Variants in ATP2B2 observed in about 807,000 individuals in gnomAD.
ATP2B2 encodes the protein plasma membrane calcium-transporting ATPase 2.
In ATP2B2, 15 loss-of-function variants were observed where a neutral mutation model predicts 120.0. The observed-to-expected ratio is 0.12, with a 90% CI of 0.08 to 0.19. The LOEUF (loss-of-function observed/expected upper bound fraction) is 0.19, where lower values mean the gene tolerates loss of function less well. ATP2B2 is among the 10% of genes least tolerant of loss of function. The pLI, the probability that ATP2B2 is intolerant of heterozygous loss-of-function variation, is 1.00. For synonymous variants in ATP2B2, 694 were observed against 700.3 expected (o/e 0.99, Z 0.14); for missense variants, 1,045 against 1,719.8 (o/e 0.61, Z 6.94).
chr3:10,654,617 C>T (rs946357843), intron 1 of ATP2B2, among the ~76,000 whole-genome samples: 2 of 152,044 alleles, frequency 1.3e-5, no homozygotes, highest in African/African-American at 4.8e-5. Context: ...CCTATGGATC[C>T]GCCTCCCTCC....
intron 1 of ATP2B2, among the ~76,000 whole-genome samples, chr3:10,679,211 T>G (rs916819931): frequency 6.6e-6 from 1 of 152,216 alleles, no homozygotes; most frequent in South Asian, 2.1e-4. Flanking sequence ...TTGCCTGCAC[T>G]ATGGTGTATG....
At chr3:10,658,362 T>C (rs538651985) in intron 1 of ATP2B2, among the ~76,000 whole-genome samples, 30 of 152,262 alleles carry the variant, frequency 2.0e-4, no homozygotes, top group African/African-American at 6.7e-4. Context: ...ATTAGACGAA[T>C]GGCTAACTAG....
intron 3 of ATP2B2, among the ~76,000 whole-genome samples, chr3:10,518,654 T>C (rs2066921854): frequency 6.6e-6 from 1 of 152,210 alleles, no homozygotes. Context: ...CTAACACACA[T>C]TCCTGGCCTA....
At chr3:10,412,318 C>G (rs2062638778) in intron 2 of ATP2B2, among the ~76,000 whole-genome samples, 1 of 152,198 alleles carries the variant, frequency 6.6e-6, no homozygotes, top group Non-Finnish European at 1.5e-5. Flanking sequence ...GGAGGAAATT[C>G]AGGCGTGTGA....
chr3:10,408,215 T>A (rs1289507511), intron 3 of ATP2B2, among the ~76,000 whole-genome samples: 1 of 152,150 alleles, frequency 6.6e-6, no homozygotes, highest in Non-Finnish European at 1.5e-5. Flanking sequence ...TGCTGGGTGC[T>A]CAGTCACAGC....
intron 1 of ATP2B2, among the ~76,000 whole-genome samples, chr3:10,486,336 T>TGCGTGC (rs1559398907): frequency 6.8e-6 from 1 of 147,252 alleles, no homozygotes; most frequent in Admixed American, 6.6e-5. Context: ...TGTGTGTGTG[T>TGCGTGC]GTGTGTGTGT....
chr3:10,361,326 G>A (rs998098370), intron 12 of ATP2B2, among the ~76,000 whole-genome samples: 11 of 152,302 alleles, frequency 7.2e-5, no homozygotes, highest in South Asian at 2.1e-4. Context: ...CTGTAACTGC[G>A]CCCGGTTGTA....
chr3:10,462,177 G>A (rs148257018), intron 1 of ATP2B2, among the ~76,000 whole-genome samples: 3 of 152,146 alleles, frequency 2.0e-5, no homozygotes, highest in Admixed American at 6.5e-5. Context: ...CTCCAGAACC[G>A]ACCTTCTTGT....
chr3:10,536,331 ATTT>A (rs71055821), intron 2 of ATP2B2, among the ~76,000 whole-genome samples: 4,040 of 138,848 alleles, frequency 0.029, 73 homozygotes, highest in Middle Eastern at 0.089. Context: ...TTGTCACAGG[ATTT>A]TTTTTTTTTT....
chr3:10,445,881 G>A (rs1413416469), intron 2 of ATP2B2, among the ~76,000 whole-genome samples: 1 of 152,210 alleles, frequency 6.6e-6, no homozygotes, highest in Non-Finnish European at 1.5e-5. Flanking sequence ...GGCTGGGGCT[G>A]TGCCAAGGAT....
intron 1 of ATP2B2, among the ~76,000 whole-genome samples, chr3:10,659,036 G>A (rs1212211539): frequency 6.6e-6 from 1 of 152,142 alleles, no homozygotes; most frequent in Admixed American, 6.5e-5. Flanking sequence ...TTACAGACAA[G>A]CAAATGCTGA....
intron 2 of ATP2B2, among the ~76,000 whole-genome samples, chr3:10,437,084 T>A (rs528018818): frequency 1.3e-5 from 2 of 152,334 alleles, no homozygotes; most frequent in African/African-American, 4.8e-5. Flanking sequence ...AGGAATTACT[T>A]GTCTTCTTTT....
chr3:10,595,650 T>C (rs1408898370), intron 2 of ATP2B2, among the ~76,000 whole-genome samples: 3 of 194 alleles, frequency 0.015, no homozygotes, highest in African/African-American at 0.071. Context: ...ACAGACCACA[T>C]TGCGCTTCCA....
At chr3:10,344,763 A>T (rs1007476145) in intron 18 of ATP2B2, among the ~76,000 whole-genome samples, 1 of 152,156 alleles carries the variant, frequency 6.6e-6, no homozygotes, top group Non-Finnish European at 1.5e-5. Flanking sequence ...CACCTCATGG[A>T]GCTGCATGAA....
chr3:10,518,354 C>T (rs934710956), intron 3 of ATP2B2, among the ~76,000 whole-genome samples: 4 of 152,178 alleles, frequency 2.6e-5, no homozygotes, highest in Admixed American at 6.5e-5. Context: ...TGCGGACTCG[C>T]GTCTGCCTTT....
intron 2 of ATP2B2, among the ~76,000 whole-genome samples, chr3:10,447,833 C>T (rs1234046736): frequency 6.6e-6 from 1 of 152,206 alleles, no homozygotes; most frequent in East Asian, 1.9e-4. Flanking sequence ...TTCTCTATTC[C>T]CACCCTCCCT....
chr3:10,585,182 C>T (rs1274156709), intron 2 of ATP2B2, among the ~76,000 whole-genome samples: 1 of 152,074 alleles, frequency 6.6e-6, no homozygotes, highest in Non-Finnish European at 1.5e-5. Flanking sequence ...CAAACTTCTC[C>T]AATGGTTTGC....
chr3:10,656,060 A>G (rs2070618592), intron 1 of ATP2B2, among the ~76,000 whole-genome samples: 1 of 152,160 alleles, frequency 6.6e-6, no homozygotes, highest in South Asian at 2.1e-4. Flanking sequence ...AGGGGTGGGG[A>G]AAGGTCTGTC....
intron 1 of ATP2B2, among the ~76,000 whole-genome samples, chr3:10,669,326 C>T (rs1401678171): frequency 1.3e-5 from 2 of 152,088 alleles, no homozygotes; most frequent in Non-Finnish European, 2.9e-5. Flanking sequence ...GGCCAGACCT[C>T]CGCCCAACAC....
Sources: allele counts gnomAD v4.1 joint callset (sites outside exome capture counted in the v4.1 genomes callset), GRCh38; gene constraint gnomAD v4.1.1; transcripts MANE v1.5; gene names NCBI Gene and HGNC (gene_info 2026-07-23, HGNC 2026-07-21).